Variants in FBXL20 observed in about 807,000 individuals in gnomAD.
FBXL20 encodes the protein F-box and leucine rich repeat protein 20.
Under a neutral mutation model 64.0 loss-of-function variants are expected in FBXL20, and 11 were observed. The ratio of observed to expected loss-of-function variants is 0.17; its 90% confidence interval spans 0.11 to 0.28. The LOEUF is 0.28. Among genes scored for constraint, FBXL20 ranks in the 10% least tolerant of loss-of-function variants. The pLI, the probability that FBXL20 is intolerant of heterozygous loss-of-function variation, is 1.00. For missense variants in FBXL20, 303 were observed against 526.2 expected (o/e 0.58, Z 4.15); for synonymous variants, 184 against 189.0 (o/e 0.97, Z 0.22).
At chr17:39,282,652 T>A in intron 8 of FBXL20, 77 bp downstream of exon 8, 1 of 1,589,708 alleles carries the variant, frequency 6.3e-7, no homozygotes, top group South Asian at 1.1e-5. Context: ...CAGACAAACA[T>A]CTTGGGGCTG....
At chr17:39,351,466 G>C (rs1403855351) in intron 1 of FBXL20, among the ~76,000 whole-genome samples, 11 of 151,832 alleles carry the variant, frequency 7.2e-5, no homozygotes, top group East Asian at 3.9e-4. Flanking sequence ...AAAAGCAATA[G>C]AATATGTGTT....
At chr17:39,385,236 C>T (rs549653562) in intron 1 of FBXL20, among the ~76,000 whole-genome samples, 7 of 151,234 alleles carry the variant, frequency 4.6e-5, no homozygotes, top group South Asian at 4.2e-4. Flanking sequence ...AACACACACG[C>T]GCGTGCGTGC....
intron 1 of FBXL20, among the ~76,000 whole-genome samples, chr17:39,369,090 A>G (rs1196789981): frequency 6.6e-6 from 1 of 152,122 alleles, no homozygotes; most frequent in African/African-American, 2.4e-5. Flanking sequence ...GAAGAAAGGA[A>G]ATAGGTATAT....
chr17:39,350,786 A>G (rs1249569611), intron 1 of FBXL20, among the ~76,000 whole-genome samples: 2 of 152,208 alleles, frequency 1.3e-5, no homozygotes, highest in African/African-American at 4.8e-5. Context: ...CAGGAGTATC[A>G]GCATCAACCC....
chr17:39,328,967 T>C (rs1436888847), intron 2 of FBXL20, among the ~76,000 whole-genome samples: 2 of 152,136 alleles, frequency 1.3e-5, no homozygotes, highest in Admixed American at 6.6e-5. Context: ...GGTGGGAGGA[T>C]TGCTTGAGAG....
intron 1 of FBXL20, among the ~76,000 whole-genome samples, chr17:39,375,621 G>C (rs1211352900): frequency 6.6e-6 from 1 of 152,100 alleles, no homozygotes; most frequent in African/African-American, 2.4e-5. Context: ...CACATTTTAT[G>C]CCTATAATAC....
intron 6 of FBXL20, among the ~76,000 whole-genome samples, chr17:39,292,167 A>C (rs1047375553): frequency 6.6e-6 from 1 of 150,538 alleles, no homozygotes; most frequent in Admixed American, 6.6e-5. Context: ...TAATAGCTTT[A>C]CTGCTTTTTG....
intron 2 of FBXL20, among the ~76,000 whole-genome samples, chr17:39,316,925 G>A (rs1799233813): frequency 6.6e-6 from 1 of 152,242 alleles, no homozygotes; most frequent in Admixed American, 6.5e-5. Context: ...GGAGGCGGAG[G>A]TTGCAGTGAG....
At chr17:39,296,731 T>C (rs937858384) in intron 6 of FBXL20, among the ~76,000 whole-genome samples, 11 of 152,166 alleles carry the variant, frequency 7.2e-5, no homozygotes, top group Admixed American at 5.9e-4. Flanking sequence ...CATTTTCATT[T>C]AATAACTGTT....
chr17:39,321,809 G>A (rs8070695), intron 2 of FBXL20, among the ~76,000 whole-genome samples: 59,114 of 150,222 alleles, frequency 0.39, 15,179 homozygotes, highest in African/African-American at 0.73. Flanking sequence ...AAAAATAACT[G>A]ATCAGGCTAT....
intron 10 of FBXL20, among the ~76,000 whole-genome samples, chr17:39,272,435 C>T (rs181290621): frequency 3.2e-4 from 48 of 147,828 alleles, no homozygotes; most frequent in African/African-American, 9.5e-4. Flanking sequence ...TGGCCAGGTG[C>T]GTTGACTCAT....
At chr17:39,282,307 T>C (rs2046955994) in intron 8 of FBXL20, among the ~76,000 whole-genome samples, 1 of 152,196 alleles carries the variant, frequency 6.6e-6, no homozygotes, top group African/African-American at 2.4e-5. Flanking sequence ...TACTATAAAA[T>C]GCAGGTTGCT....
At chr17:39,342,909 T>C (rs1286084826) in intron 2 of FBXL20, among the ~76,000 whole-genome samples, 1 of 152,004 alleles carries the variant, frequency 6.6e-6, no homozygotes, top group Non-Finnish European at 1.5e-5. Context: ...AAACCTACGT[T>C]ACTGTATATA....
chr17:39,318,490 C>A (rs2047318219), intron 2 of FBXL20, among the ~76,000 whole-genome samples: 1 of 152,148 alleles, frequency 6.6e-6, no homozygotes, highest in Admixed American at 6.6e-5. Context: ...CCTGTAATCC[C>A]AGCACTTTGG....
At chr17:39,338,042 A>G (rs1355404221) in intron 2 of FBXL20, among the ~76,000 whole-genome samples, 1 of 152,204 alleles carries the variant, frequency 6.6e-6, no homozygotes, top group African/African-American at 2.4e-5. Context: ...AGCTGTACCC[A>G]ACAGCTCATT....
chr17:39,296,559 CAAA>C (rs60002793), intron 6 of FBXL20, among the ~76,000 whole-genome samples: 903 of 62,204 alleles, frequency 0.015, 6 homozygotes, highest in African/African-American at 0.044. Flanking sequence ...GACTCTGTCT[CAAA>C]AAAAAAAAAA....
At chr17:39,317,383 C>T (rs2047303310) in intron 2 of FBXL20, among the ~76,000 whole-genome samples, 1 of 152,046 alleles carries the variant, frequency 6.6e-6, no homozygotes, top group Non-Finnish European at 1.5e-5. Context: ...AGGCATGTGC[C>T]ACCATGCCTG....
intron 1 of FBXL20, among the ~76,000 whole-genome samples, chr17:39,370,643 A>G (rs2047908275): frequency 6.6e-6 from 1 of 150,416 alleles, no homozygotes; most frequent in South Asian, 2.1e-4. Context: ...AAAATACAAA[A>G]AATTAGCCGG....
chr17:39,391,762 T>C (rs1400860379), intron 1 of FBXL20, among the ~76,000 whole-genome samples: 2 of 151,994 alleles, frequency 1.3e-5, no homozygotes, highest in Non-Finnish European at 2.9e-5. Context: ...GAAAACCTTG[T>C]AGCTAAAATT....
Sources: gnomAD v4.1 joint callset for allele counts (sites outside exome capture counted in the v4.1 genomes callset) on GRCh38, gnomAD v4.1.1 for gene constraint, MANE v1.5 for transcripts, NCBI Gene and HGNC (gene_info 2026-07-23, HGNC 2026-07-21) for gene names.